The following MSR1 variants were observed in gnomAD, a reference collection of about 807,000 sequenced individuals.
MSR1 encodes the protein macrophage scavenger receptor types I and II.
Under a neutral mutation model 47.2 loss-of-function variants are expected in MSR1, and 53 were observed. That is an observed-to-expected ratio of 1.12 (90% CI 0.90 to 1.41). MSR1 has a LOEUF of 1.41. Among genes scored for constraint, MSR1 ranks in the 40% most tolerant of loss-of-function variants. The pLI, the probability that MSR1 is intolerant of heterozygous loss-of-function variation, is 0.00. For synonymous variants in MSR1, 239 were observed against 185.6 expected (o/e 1.29, Z -2.34); for missense variants, 786 against 546.9 (o/e 1.44, Z -4.36).
intron 5 of MSR1, among the ~76,000 whole-genome samples, chr8:16,163,254 A>C (rs1334908689): frequency 1.3e-5 from 2 of 151,990 alleles, no homozygotes; most frequent in Non-Finnish European, 2.9e-5. Context: ...ACCAGAGCAC[A>C]TGATAAGATA....
chr8:16,156,788 T>G (rs34005223), intron 5 of MSR1, among the ~76,000 whole-genome samples: 6 of 151,886 alleles, frequency 4.0e-5, no homozygotes, highest in Non-Finnish European at 7.4e-5. Flanking sequence ...TTCTAAGGTA[T>G]AGCTTAATTG....
chr8:16,175,444 G>A, intron 2 of MSR1, 144 bp from the exon 3 acceptor site: 1 of 738,954 alleles, frequency 1.4e-6, no homozygotes, highest in Non-Finnish European at 2.2e-6. Context: ...CTTTGCAGTA[G>A]AAAGCAAAAG....
intron 8 of MSR1, among the ~76,000 whole-genome samples, chr8:16,137,806 A>G (rs1352002670): frequency 1.3e-5 from 2 of 152,044 alleles, no homozygotes; most frequent in African/African-American, 4.8e-5. Flanking sequence ...AGCCTTGGCA[A>G]TATAGTGAGA....
chr8:16,173,074 G>T (rs1034645146), intron 3 of MSR1, among the ~76,000 whole-genome samples: 42 of 152,118 alleles, frequency 2.8e-4, no homozygotes, highest in African/African-American at 9.7e-4. Context: ...TCCAAATTCT[G>T]GTGAATCTGA....
intron 8 of MSR1, among the ~76,000 whole-genome samples, chr8:16,123,408 T>C (rs1244858155): frequency 6.6e-6 from 1 of 152,202 alleles, no homozygotes; most frequent in African/African-American, 2.4e-5. Context: ...TAGGATTTTC[T>C]CTGTAAGACT....
intron 1 of MSR1, among the ~76,000 whole-genome samples, chr8:16,185,461 T>C (rs1342385746): frequency 6.6e-6 from 1 of 152,206 alleles, no homozygotes; most frequent in African/African-American, 2.4e-5. Context: ...ATCTATTTAT[T>C]ATCATACCCA....
intron 5 of MSR1, among the ~76,000 whole-genome samples, chr8:16,163,500 CTAAAA>C (rs1370720640): frequency 2.0e-5 from 3 of 150,858 alleles, no homozygotes; most frequent in Non-Finnish European, 4.4e-5. Flanking sequence ...AAAGCTAAAA[CTAAAA>C]TATCTAAAAT....
At chr8:16,178,042 G>A (rs970537210) in intron 1 of MSR1, 50 bp from the exon 2 acceptor site, 3 of 1,391,874 alleles carry the variant, frequency 2.2e-6, no homozygotes, top group Non-Finnish European at 3.0e-6. Flanking sequence ...AATGGCTAGG[G>A]CTCTTTTGCA....
rs1450896218 is a variant in MSR1, at chr8:16,110,114, C to T, written c.1327G>A (p.Glu443Lys). 2 of 1,613,630 alleles carry T rather than the reference C, an allele frequency of 1.2e-6. No individual in the cohort carries two copies. Residue 443 changes from glutamate to lysine, a missense_variant, in exon 10 of 10, where the codon GAA becomes AAA. By Grantham distance (56) the Glu-to-Lys change is moderately conservative. Transcript: ENST00000262101. ...AAAGTGCAAGTGACTCCAGCATCTT[C>T]AGAATGTGAACAGGCTCTTGTCCCC... is the stretch of plus-strand genomic sequence containing the variant. ...QWGTRACSHS[E>K]DAGVTCTL
chr8:16,175,668 A>G (rs1000141982), intron 2 of MSR1, among the ~76,000 whole-genome samples: 2 of 152,328 alleles, frequency 1.3e-5, no homozygotes, highest in Middle Eastern at 3.4e-3. Flanking sequence ...TGACAATAAA[A>G]TTTTCTAAAG....
Position 16,187,642 on chromosome 8 carries a change from T to C in MSR1, c.-5+4956A>G, listed in dbSNP as rs186980340. Among the ~76,000 whole-genome samples, 206 of 152,248 alleles carry C rather than the reference T, an allele frequency of 1.4e-3. 1 individual carries two copies. Among genetic ancestry groups the C allele is most frequent in the Admixed American group, 6.2e-3 (94 of 15,264 alleles). ...GGTGCTCATTACATACATAATGCCG[T>C]ATTTAAAATTACATAAATAAATGAA... On this transcript the variant is annotated intron_variant, in intron 1 of 9. Coordinates refer to ENST00000262101, the MANE Select transcript of MSR1 (RefSeq NM_138715.3).
At chr8:16,191,262 T>C (rs778779210) in intron 1 of MSR1, among the ~76,000 whole-genome samples, 2 of 152,196 alleles carry the variant, frequency 1.3e-5, no homozygotes, top group Non-Finnish European at 2.9e-5. Flanking sequence ...TCACTGATAT[T>C]CATCCTTGGT....
rs114057809 is a variant in MSR1, at chr8:16,113,700, G to A, written c.1223-3482C>T. Among the ~76,000 whole-genome samples the A allele has an allele frequency of 5.9e-3, 897 of 152,212 alleles. 11 individuals carry two copies. The highest frequency in any genetic ancestry group is 0.021 in the African/African-American group (855 of 41,528). Reference sequence around the variant, plus strand: ...TCAATTTTATGATATGCAGAATAAAGGAGTAAGGCTAACATAGCTTTAAGA... The same window carrying A: ...TCAATTTTATGATATGCAGAATAAAAGAGTAAGGCTAACATAGCTTTAAGA... On this transcript the variant is annotated intron_variant, in intron 9 of 9. Coordinates refer to ENST00000262101, the MANE Select transcript of MSR1 (RefSeq NM_138715.3).
Position 16,122,969 on chromosome 8 carries a change from G to A in MSR1, c.1034-2363C>T, listed in dbSNP as rs553249470. 3.5e-3 allele frequency among the ~76,000 whole-genome samples: 523 copies of A among 149,788 alleles called. 4 individuals are homozygous for A. The highest frequency in any genetic ancestry group is 6.3e-3 in the Non-Finnish European group (423 of 67,648). The stretch of plus-strand genomic sequence containing the variant: ...AAGCCATCCTCCTGCCTCAGCCTCC[G>A]GAGTAGCTACGACTACAGGTGCCTG... On this transcript the variant is annotated intron_variant, in intron 8 of 9. Coordinates refer to ENST00000262101, the MANE Select transcript of MSR1 (RefSeq NM_138715.3).
chr8:16,159,196 CA>C (rs1331954743), intron 5 of MSR1, among the ~76,000 whole-genome samples: 1 of 151,360 alleles, frequency 6.6e-6, no homozygotes, highest in Admixed American at 6.7e-5. Flanking sequence ...CTATAAAAAT[CA>C]ATATTTCTTT....
chr8:16,136,503 G>A (rs553005434), intron 8 of MSR1, among the ~76,000 whole-genome samples: 3 of 149,950 alleles, frequency 2.0e-5, no homozygotes, highest in African/African-American at 7.6e-5. Context: ...TGTGATAATT[G>A]CTTTTTTTTT....
In MSR1 at chr8:16,142,165, C is replaced by T. The variant is rs1585155372; in HGVS notation, c.1033+1393G>A. Among the ~76,000 whole-genome samples the T allele has an allele frequency of 2.0e-5, 3 of 151,980 alleles. No homozygotes were observed. In the East Asian group the frequency reaches 5.8e-4, roughly 30 times the overall value. On this transcript the variant is annotated intron_variant, in intron 8 of 9. Coordinates refer to ENST00000262101, the MANE Select transcript of MSR1 (RefSeq NM_138715.3). ...TCAAAATGGTGAAACCCCGTATCTA[C>T]TAAATAACAAAAATTAGCTGGGTGT...
At chr8:16,175,634 G>A (rs1801624174) in intron 2 of MSR1, among the ~76,000 whole-genome samples, 1 of 152,024 alleles carries the variant, frequency 6.6e-6, no homozygotes, top group African/African-American at 2.4e-5. Context: ...TTTATTCAAT[G>A]TTCATATGGG....
At chr8:16,125,458 T>A (rs972258088) in intron 8 of MSR1, among the ~76,000 whole-genome samples, 11 of 152,170 alleles carry the variant, frequency 7.2e-5, no homozygotes, top group African/African-American at 2.7e-4. Context: ...GGTAAAATGA[T>A]TTGACATATC....
Sources: allele counts gnomAD v4.1 joint callset (sites outside exome capture counted in the v4.1 genomes callset), GRCh38; gene constraint gnomAD v4.1.1; transcripts MANE v1.5; gene names NCBI Gene and HGNC (gene_info 2026-07-23, HGNC 2026-07-21).